Variants in CCDC47 observed in about 807,000 individuals in gnomAD.
The protein encoded by CCDC47 is coiled-coil domain containing 47.
CCDC47 carries 41 observed loss-of-function variants against 60.5 expected under a neutral mutation model. The ratio of observed to expected loss-of-function variants is 0.68; its 90% CI spans 0.53 to 0.88. The LOEUF is 0.88. Ranked by LOEUF, CCDC47 falls within the 40% of genes least tolerant of loss-of-function variation. The pLI, the probability that CCDC47 is intolerant of heterozygous loss-of-function variation, is 0.00. For missense variants in CCDC47, 513 were observed against 580.9 expected (o/e 0.88, Z 1.20); for synonymous variants, 195 against 190.7 (o/e 1.02, Z -0.18).
intron 1 of CCDC47, among the ~76,000 whole-genome samples, chr17:63,772,250 G>GTTTTTT (rs34509265): frequency 2.2e-5 from 2 of 90,536 alleles, no homozygotes; most frequent in East Asian, 3.3e-4. Flanking sequence ...TGTACCAAGG[G>GTTTTTT]TTTTTTTTTT....
chr17:63,763,603 A>G (rs538930404), intron 4 of CCDC47, among the ~76,000 whole-genome samples: 1 of 151,852 alleles, frequency 6.6e-6, no homozygotes, highest in African/African-American at 2.4e-5. Context: ...AGGTGGGTGG[A>G]CCATGAGGTC....
intron 1 of CCDC47, among the ~76,000 whole-genome samples, chr17:63,771,282 T>C (rs2039339862): frequency 6.6e-6 from 1 of 152,040 alleles, no homozygotes; most frequent in Admixed American, 6.5e-5. Context: ...AATTATATAG[T>C]GTATATACAT....
chr17:63,752,040 T>G lies in CCDC47; in HGVS notation c.1271A>C (p.Gln424Pro). The change falls in exon 12 of 13, where the codon CAA (glutamine) becomes CCA (proline). Residue 424 changes from glutamine to proline, a missense_variant. By Grantham distance (76) the Gln-to-Pro change is moderately conservative. Coordinates refer to ENST00000225726, the MANE Select transcript of CCDC47 (RefSeq NM_020198.3). ...EENFLKLTHV[Q>P]RQEAAQSRRE... ...CCGAGACTGTGCTGCTTCCTGTCTT[T>G]GCACATGTGTCAGTTTCAAGAAGTT... 1 of 1,613,914 alleles carries G rather than the reference T, an allele frequency of 6.2e-7. No homozygotes were observed. Among genetic ancestry groups the G allele is most frequent in the Non-Finnish European group, 8.5e-7 (1 of 1,180,010 alleles).
At chr17:63,747,727 C>G (rs912984937) in intron 12 of CCDC47, 1 of 984,754 alleles carries the variant, frequency 1.0e-6, no homozygotes, top group Non-Finnish European at 1.2e-6. Flanking sequence ...TCAACTGGTA[C>G]AGGATGGAGA....
chr17:63,771,417 T>C (rs1215092490), intron 1 of CCDC47, among the ~76,000 whole-genome samples: 3 of 152,136 alleles, frequency 2.0e-5, no homozygotes, highest in Admixed American at 6.5e-5. Flanking sequence ...CAATCCCCCA[T>C]ACATATCAAG....
chr17:63,753,643 T>C (rs968617996), intron 9 of CCDC47: 1 of 982,704 alleles, frequency 1.0e-6, no homozygotes, highest in African/African-American at 1.7e-5. Context: ...CTGAACAGTA[T>C]TACTATAAAG....
Position 63,761,308 on chromosome 17 carries a change from C to T in CCDC47, c.591G>A (p.Leu197=), listed in dbSNP as rs1212334663. Reference sequence around the variant, plus strand: ...TATAGATGTGCTCATTCTCCTGGTTCAACTTTCCTGTGCTTGTGGCTTCTT... The same window carrying T: ...TATAGATGTGCTCATTCTCCTGGTTTAACTTTCCTGTGCTTGTGGCTTCTT... ...TNKEATSTGK[L]NQENEHIYNL... is the part of the protein sequence containing the mutation. Residue 197 remains leucine (L), a synonymous_variant, in exon 5 of 13, where the codon TTG becomes TTA. Coordinates refer to ENST00000225726, the MANE Select transcript of CCDC47 (RefSeq NM_020198.3). 1 of 1,613,928 alleles carries T rather than the reference C, an allele frequency of 6.2e-7. No homozygotes were observed. Among genetic ancestry groups the T allele is most frequent in the African/African-American group, 1.3e-5 (1 of 74,882 alleles).
At chr17:63,763,601 G>A (rs1334869159) in intron 4 of CCDC47, among the ~76,000 whole-genome samples, 1 of 151,832 alleles carries the variant, frequency 6.6e-6, no homozygotes, top group Non-Finnish European at 1.5e-5. Flanking sequence ...CGAGGTGGGT[G>A]GACCATGAGG....
At chr17:63,770,401 T>C (rs2039329630) in intron 1 of CCDC47, among the ~76,000 whole-genome samples, 1 of 152,070 alleles carries the variant, frequency 6.6e-6, no homozygotes, top group Non-Finnish European at 1.5e-5. Context: ...ATTGGGTTTG[T>C]AGACTCAAGT....
At chr17:63,768,229 A>C (rs2039310952) in intron 1 of CCDC47, among the ~76,000 whole-genome samples, 1 of 152,252 alleles carries the variant, frequency 6.6e-6, no homozygotes, top group African/African-American at 2.4e-5. Context: ...ATATCGCCAC[A>C]GTAGGTACTA....
At chr17:63,756,955 G>C (rs1481694424) in intron 6 of CCDC47, among the ~76,000 whole-genome samples, 1 of 152,076 alleles carries the variant, frequency 6.6e-6, no homozygotes, top group East Asian at 1.9e-4. Flanking sequence ...CCAGTTGACA[G>C]CTAGCAAGAA....
intron 1 of CCDC47, 134 bp downstream of exon 1, chr17:63,773,278 C>T (rs2039365751): frequency 1.3e-5 from 2 of 152,412 alleles, no homozygotes; most frequent in South Asian, 4.1e-4. Context: ...ATCATTTGCT[C>T]ACAGCTCCGT....
Position 63,746,826 on chromosome 17 carries a change from T to A in CCDC47, c.*55A>T, listed in dbSNP as rs1251585370. On this transcript the variant is annotated 3_prime_UTR_variant, in exon 13 of 13. Coordinates refer to ENST00000225726, the MANE Select transcript of CCDC47 (RefSeq NM_020198.3). Reference sequence around the variant, plus strand: ...GAAATGGACTGGCGTTTTTCATGTTTCCTGTGAATTCAGAGCTTACAGGTG... The same window carrying A: ...GAAATGGACTGGCGTTTTTCATGTTACCTGTGAATTCAGAGCTTACAGGTG... 7.6e-7 allele frequency: 1 copy of A among 1,311,100 alleles called. No individual in the cohort carries two copies. Among genetic ancestry groups the A allele is most frequent in the Non-Finnish European group, 1.1e-6 (1 of 906,604 alleles). The allele number at this position is 1,311,100 out of a possible 1,614,324, so 81.2% of individuals were successfully genotyped here.
intron 12 of CCDC47, 84 bp from the exon 13 acceptor site, chr17:63,747,045 A>T (rs1388899580): frequency 3.9e-6 from 6 of 1,544,210 alleles, no homozygotes. Flanking sequence ...GTTAAAAAAA[A>T]ATCCAAATTA....
intron 2 of CCDC47, 144 bp from the exon 3 acceptor site, chr17:63,764,991 G>T (rs770698020): frequency 1.7e-5 from 24 of 1,416,524 alleles, no homozygotes; most frequent in Non-Finnish European, 2.2e-5. Context: ...TTAACAAAAC[G>T]ATTGGGTACA....
intron 6 of CCDC47, among the ~76,000 whole-genome samples, chr17:63,759,788 G>T (rs532519269): frequency 6.6e-6 from 1 of 150,926 alleles, no homozygotes; most frequent in African/African-American, 2.4e-5. Flanking sequence ...TGAAGAGGCC[G>T]GGTGCAGTGG....
intron 1 of CCDC47, among the ~76,000 whole-genome samples, chr17:63,768,503 C>G (rs1183723338): frequency 6.6e-6 from 1 of 152,124 alleles, no homozygotes; most frequent in Non-Finnish European, 1.5e-5. Flanking sequence ...GCCTTGGCAA[C>G]ATGGCGAAAA....
intron 6 of CCDC47, among the ~76,000 whole-genome samples, chr17:63,757,856 G>A (rs2039219484): frequency 6.6e-6 from 1 of 152,010 alleles, no homozygotes; most frequent in African/African-American, 2.4e-5. Context: ...ATTCTAATGG[G>A]GTGACTTAAC....
At chr17:63,753,201 C>T in intron 9 of CCDC47, 1 of 768,684 alleles carries the variant, frequency 1.3e-6, no homozygotes. Flanking sequence ...ATCTTATTAT[C>T]TTATTTTTGA....
Sources: gnomAD v4.1 joint callset for allele counts (sites outside exome capture counted in the v4.1 genomes callset) on GRCh38, gnomAD v4.1.1 for gene constraint, MANE v1.5 for transcripts, NCBI Gene and HGNC (gene_info 2026-07-23, HGNC 2026-07-21) for gene names.